The following KAT6B variants were observed in gnomAD, a reference collection of about 807,000 sequenced individuals.
KAT6B encodes the protein lysine acetyltransferase 6B, also known as histone acetyltransferase KAT6B.
KAT6B carries 10 observed loss-of-function variants against 187.5 expected under a neutral mutation model. That is an observed-to-expected ratio of 0.05 (90% confidence interval 0.03 to 0.09). KAT6B has a LOEUF of 0.09. Among genes scored for constraint, KAT6B ranks in the 10% least tolerant of loss-of-function variants. The pLI, the probability that KAT6B is intolerant of heterozygous loss-of-function variation, is 1.00. For synonymous variants in KAT6B, 861 were observed against 926.8 expected, an observed-to-expected ratio of 0.93 and a Z score of 1.29; for missense variants, 1,952 against 2,558.9, an observed-to-expected ratio of 0.76 and a Z score of 5.12.
intron 3 of KAT6B, among the ~76,000 whole-genome samples, chr10:74,871,866 C>A (rs1844006559): frequency 6.6e-6 from 1 of 152,154 alleles, no homozygotes; most frequent in African/African-American, 2.4e-5. Context: ...AAGACTGGCT[C>A]CCATGTGTGG....
intron 11 of KAT6B, 182 bp from the exon 12 acceptor site, chr10:74,984,898 C>T (rs555709607): frequency 1.4e-5 from 9 of 622,996 alleles, no homozygotes; most frequent in Non-Finnish European, 2.5e-5. Context: ...ATGTGGAATT[C>T]TGATTTGCCA....
At chr10:74,928,491 AAAAT>A (rs989242397) in intron 3 of KAT6B, among the ~76,000 whole-genome samples, 3 of 152,206 alleles carry the variant, frequency 2.0e-5, no homozygotes, top group African/African-American at 7.2e-5. Flanking sequence ...AGGGAGATGA[AAAAT>A]AAATAATATT....
At chr10:74,962,387 C>T (rs1328286603) in intron 4 of KAT6B, among the ~76,000 whole-genome samples, 1 of 151,894 alleles carries the variant, frequency 6.6e-6, no homozygotes, top group African/African-American at 2.4e-5. Context: ...ATGGCGGGAG[C>T]CCTGTTGTCA....
intron 3 of KAT6B, among the ~76,000 whole-genome samples, chr10:74,932,003 C>T (rs369380207): frequency 3.3e-5 from 5 of 152,226 alleles, no homozygotes; most frequent in African/African-American, 9.6e-5. Context: ...TGAGCCACCA[C>T]GCCCGGCTGA....
At chr10:74,901,179 A>G (rs766310808) in intron 3 of KAT6B, among the ~76,000 whole-genome samples, 4 of 152,222 alleles carry the variant, frequency 2.6e-5, no homozygotes, top group African/African-American at 4.8e-5. Context: ...TGCTCAACGT[A>G]TGCTATCCAG....
chr10:74,871,300 C>T (rs1843940060), intron 3 of KAT6B, among the ~76,000 whole-genome samples: 1 of 145,676 alleles, frequency 6.9e-6, no homozygotes, highest in African/African-American at 2.6e-5. Context: ...CCAAGTGATT[C>T]TCCTGCCTCA....
At chr10:74,966,401 A>G (rs1037696645) in intron 4 of KAT6B, among the ~76,000 whole-genome samples, 2 of 152,218 alleles carry the variant, frequency 1.3e-5, no homozygotes, top group Non-Finnish European at 2.9e-5. Flanking sequence ...TTTACAGGTT[A>G]TGGGAATTAG....
At chr10:74,926,146 A>T (rs777160418) in intron 3 of KAT6B, among the ~76,000 whole-genome samples, 1 of 152,202 alleles carries the variant, frequency 6.6e-6, no homozygotes, top group Non-Finnish European at 1.5e-5. Context: ...ATATGTTATT[A>T]TTTTAATAAA....
In KAT6B at chr10:75,025,154, G is replaced by A. The variant is rs576720064; in HGVS notation, c.3569G>A (p.Arg1190Lys). 1 of 1,614,236 alleles carries A rather than the reference G, an allele frequency of 6.2e-7. No homozygotes were observed. The highest frequency in any genetic ancestry group is 2.2e-5 in the East Asian group (1 of 44,888). Reference protein sequence around the residue: ...VEEDGRKPVLRKAFQHQPGKK... With the variant: ...VEEDGRKPVLKKAFQHQPGKK... ...GAAGATGGCAGGAAGCCAGTCCTGA[G>A]AAAAGCATTCCAGCATCAGCCTGGG... Residue 1190 changes from arginine to lysine, a missense_variant, in exon 17 of 18, where the codon AGA becomes AAA. Transcript: ENST00000287239.
chr10:74,925,225 A>G (rs1848408280), intron 3 of KAT6B, among the ~76,000 whole-genome samples: 1 of 152,034 alleles, frequency 6.6e-6, no homozygotes, highest in Admixed American at 6.5e-5. Context: ...ATTATTTAGT[A>G]GAGACAGGGT....
chr10:74,994,793 C>T (rs1329895267), intron 13 of KAT6B, among the ~76,000 whole-genome samples: 1 of 147,412 alleles, frequency 6.8e-6, no homozygotes, highest in East Asian at 2.0e-4. Flanking sequence ...AAAAGCAAGA[C>T]TTCATCTGTT....
chr10:74,940,608 G>T (rs1285669392), intron 3 of KAT6B, among the ~76,000 whole-genome samples: 2 of 144,438 alleles, frequency 1.4e-5, no homozygotes, highest in Admixed American at 7.0e-5. Context: ...TTAAAGAGAA[G>T]TTCTTGCTCT....
At chr10:75,006,791 G>C (rs925210951) in intron 13 of KAT6B, among the ~76,000 whole-genome samples, 25 of 151,450 alleles carry the variant, frequency 1.7e-4, no homozygotes, top group Admixed American at 1.4e-3. Flanking sequence ...AAAATAAAAT[G>C]TACGGTGGCT....
chr10:74,972,161 G>T (rs1270734289), intron 6 of KAT6B, among the ~76,000 whole-genome samples: 5 of 151,914 alleles, frequency 3.3e-5, no homozygotes, highest in Non-Finnish European at 7.4e-5. Flanking sequence ...TTCCAAAAAT[G>T]GACTGATTTG....
At chr10:74,882,156 G>A (rs1844900658) in intron 3 of KAT6B, among the ~76,000 whole-genome samples, 1 of 152,170 alleles carries the variant, frequency 6.6e-6, no homozygotes, top group South Asian at 2.1e-4. Flanking sequence ...TGAAAGCTCT[G>A]CCCCTTCTTC....
intron 3 of KAT6B, among the ~76,000 whole-genome samples, chr10:74,944,119 G>A (rs1023445871): frequency 1.3e-5 from 2 of 152,212 alleles, no homozygotes; most frequent in African/African-American, 2.4e-5. Flanking sequence ...ATGTTGAGCA[G>A]TGATGCGGCC....
chr10:75,005,723 G>A (rs1209899589), intron 13 of KAT6B, among the ~76,000 whole-genome samples: 1 of 152,068 alleles, frequency 6.6e-6, no homozygotes, highest in East Asian at 1.9e-4. Flanking sequence ...TTTGTGGTTA[G>A]CATGTTTGTA....
chr10:75,017,598 A>G (rs976802518), intron 13 of KAT6B, among the ~76,000 whole-genome samples: 1 of 152,142 alleles, frequency 6.6e-6, no homozygotes, highest in Non-Finnish European at 1.5e-5. Flanking sequence ...TAGGCAACAG[A>G]GCAAGTCTCT....
At chr10:74,981,662 CT>C in intron 10 of KAT6B, 124 bp from the exon 11 acceptor site, 1 of 748,148 alleles carries the variant, frequency 1.3e-6, no homozygotes, top group Non-Finnish European at 2.3e-6. Context: ...GTGTGAGCCA[CT>C]GCACCCAGCC....
Sources: gnomAD v4.1 joint callset for allele counts (sites outside exome capture counted in the v4.1 genomes callset) on GRCh38, gnomAD v4.1.1 for gene constraint, MANE v1.5 for transcripts, NCBI Gene and HGNC (gene_info 2026-07-23, HGNC 2026-07-21) for gene names.